The following NEFH variants were observed in gnomAD, a reference collection of about 807,000 sequenced individuals.
NEFH encodes the protein neurofilament heavy polypeptide.
A neutral mutation model predicts 56.6 loss-of-function variants in NEFH; 58 were observed. The ratio of observed to expected loss-of-function variants is 1.03; its 90% CI spans 0.83 to 1.28. The LOEUF is 1.28. Among genes scored for constraint, NEFH ranks in the 50% most tolerant of loss-of-function variants. The probability of loss-of-function intolerance (pLI) is 0.00; values close to 1 mark genes in which losing one functional copy is unlikely to be tolerated. For missense variants in NEFH, 1,221 were observed against 1,307.6 expected (o/e 0.93, Z 1.02); for synonymous variants, 542 against 545.8 (o/e 0.99, Z 0.10).
intron 2 of NEFH, 45 bp downstream of exon 2, chr22:29,483,619 G>C (rs767871126): frequency 6.3e-7 from 1 of 1,596,866 alleles, no homozygotes; most frequent in South Asian, 1.1e-5. Context: ...TACCTGATTG[G>C]GTAGCCCTGG....
intron 3 of NEFH, among the ~76,000 whole-genome samples, chr22:29,486,519 C>CTTTTTTT (rs362163): frequency 2.0e-5 from 2 of 102,480 alleles, no homozygotes; most frequent in African/African-American, 3.9e-5. Context: ...AGACATGAGT[C>CTTTTTTT]TTTTTTTTTT....
At position 29,489,332 on chromosome 22, in the gene NEFH, C is replaced by G; in HGVS notation, c.1692C>G (p.Ala564=). The G allele has an allele frequency of 6.2e-7, 1 of 1,613,384 alleles. No homozygotes were observed. The highest frequency in any genetic ancestry group is 8.5e-7 in the Non-Finnish European group (1 of 1,179,866). ...AKEEAKSPPE[A]KSPEKEEAKS... ...AAGAGGCAAAGTCACCGCCTGAGGC[C>G]AAGTCCCCAGAGAAGGAGGAAGCAA... The change falls in exon 4 of 4, where the codon GCC becomes GCG. Residue 564 remains alanine, a synonymous_variant. Coordinates refer to ENST00000310624, the MANE Select transcript of NEFH (RefSeq NM_021076.4).
intron 2 of NEFH, among the ~76,000 whole-genome samples, chr22:29,483,959 C>T (rs761560241): frequency 2.6e-5 from 4 of 151,918 alleles, no homozygotes; most frequent in Non-Finnish European, 5.9e-5. Context: ...AAGAGATTCT[C>T]GTGCCTCAGC....
rs1280486804 is a variant in NEFH at position 29,490,510 on chromosome 22, C to A, written c.2870C>A (p.Thr957Asn). 1.3e-6 allele frequency: 2 copies of A among 1,593,790 alleles called. No individual in the cohort carries two copies. The highest frequency in any genetic ancestry group is 8.5e-7 in the Non-Finnish European group (1 of 1,174,416). ...GAGGCAGCACCGGAGAAAAAAGACA[C>A]CAAGGAGGAGAAGGCCAAGAAGCCT... ...KKEAAPEKKD[T>N]KEEKAKKPEE... Residue 957 changes from threonine to asparagine, a missense_variant, in exon 4 of 4, where the codon ACC becomes AAC. This residue lies in a region of NEFH where 301 missense variants were observed against 346.6 expected (regional missense o/e 0.87). Coordinates refer to ENST00000310624, the MANE Select transcript of NEFH (RefSeq NM_021076.4).
chr22:29,484,013 C>A (rs1404378878), intron 2 of NEFH, among the ~76,000 whole-genome samples: 1 of 151,940 alleles, frequency 6.6e-6, no homozygotes, highest in Non-Finnish European at 1.5e-5. Context: ...CCACACCTGG[C>A]TAACTTTTGT....
intron 3 of NEFH, among the ~76,000 whole-genome samples, chr22:29,486,519 CTTTTTTT>C (rs362163): frequency 9.8e-6 from 1 of 102,470 alleles, no homozygotes. Flanking sequence ...AGACATGAGT[CTTTTTTT>C]TTTTTTTTTT....
At chr22:29,483,290 A>AAG in intron 1 of NEFH, 85 bp from the exon 2 acceptor site, 1 of 1,310,382 alleles carries the variant, frequency 7.6e-7, no homozygotes, top group Non-Finnish European at 1.1e-6. Flanking sequence ...AAAAAAAAAA[A>AAG]AGAAAAAGAA....
chr22:29,487,469 CAA>C (rs60393645), intron 3 of NEFH, among the ~76,000 whole-genome samples: 5 of 139,752 alleles, frequency 3.6e-5, no homozygotes, highest in Admixed American at 7.3e-5. Context: ...ACAAAAAATA[CAA>C]AAAAAAAAAA....
chr22:29,482,977 C>A (rs2063020689), intron 1 of NEFH, among the ~76,000 whole-genome samples: 1 of 152,120 alleles, frequency 6.6e-6, no homozygotes, highest in South Asian at 2.1e-4. Flanking sequence ...CCACATGTGT[C>A]ACCTTCAAAA....
At chr22:29,487,678 C>T (rs1230295500) in intron 3 of NEFH, among the ~76,000 whole-genome samples, 1 of 152,120 alleles carries the variant, frequency 6.6e-6, no homozygotes, top group African/African-American at 2.4e-5. Context: ...ACGCTCAGCC[C>T]CTCCCCAGAC....
rs73881535 is a variant in NEFH at position 29,481,202 on chromosome 22, T to C, written c.883+57T>C. 17,853 of 1,504,264 alleles carry C rather than the reference T, an allele frequency of 0.012. 1,752 individuals are homozygous for C. In the African/African-American group the frequency reaches 0.22, roughly 18 times the overall value. The allele number at this position is 1,504,264 out of a possible 1,614,324, so 93.2% of individuals were successfully genotyped here. On this transcript the variant is annotated intron_variant, in intron 1 of 3. Transcript: ENST00000310624. ...CCCCTGCTGACCCCGCAGCGAACTT[T>C]TGGGCTGCGTGACCCAAGGGGGCGC... is the stretch of plus-strand genomic sequence containing the variant.
Position 29,481,871 on chromosome 22 carries a change from G to T in NEFH, c.883+726G>T, listed in dbSNP as rs73881537. 7.0e-3 allele frequency among the ~76,000 whole-genome samples: 1,070 copies of T among 152,264 alleles called. 17 individuals carry two copies. The highest frequency in any genetic ancestry group is 0.025 in the African/African-American group (1,024 of 41,546). Reference sequence around the variant, plus strand: ...TGAGTCAGCTAGATTGCGCTGCCCTGAGGCTGTGCCCAGCAGCTGCAGGGT... The same window carrying T: ...TGAGTCAGCTAGATTGCGCTGCCCTTAGGCTGTGCCCAGCAGCTGCAGGGT... On this transcript the variant is annotated intron_variant, in intron 1 of 3. Transcript: ENST00000310624.
At chr22:29,481,956 GT>G (rs2063013446) in intron 1 of NEFH, among the ~76,000 whole-genome samples, 1 of 152,196 alleles carries the variant, frequency 6.6e-6, no homozygotes, top group African/African-American at 2.4e-5. Context: ...AAAGAGGAGG[GT>G]AGATCAACTG....
intron 3 of NEFH, among the ~76,000 whole-genome samples, chr22:29,486,549 A>C (rs1368915280): frequency 7.6e-6 from 1 of 131,284 alleles, no homozygotes; most frequent in Non-Finnish European, 1.6e-5. Context: ...TTGAGATGGA[A>C]TCTCACTCTG....
rs979963341 is a variant in NEFH, at chr22:29,489,770, C to A, written c.2130C>A (p.Ser710=). 3 of 1,607,860 alleles carry A rather than the reference C, an allele frequency of 1.9e-6. No homozygotes were observed. In the African/African-American group the frequency reaches 4.1e-5, roughly 22 times the overall value. Residue 710 remains serine (S), a synonymous_variant, in exon 4 of 4, where the codon TCC becomes TCA. Coordinates refer to ENST00000310624, the MANE Select transcript of NEFH (RefSeq NM_021076.4). ...CAAAGTCCCCTGAGAAGGCCAAGTC[C>A]CCAGTGAAGGAAGAAGCAAAGTCCC... ...EEAKSPEKAK[S]PVKEEAKSPE... is the part of the protein sequence containing the mutation.
intron 2 of NEFH, among the ~76,000 whole-genome samples, chr22:29,484,595 C>T (rs1368719699): frequency 2.6e-5 from 4 of 152,158 alleles, no homozygotes; most frequent in Middle Eastern, 3.4e-3. Context: ...TACAGTGAGC[C>T]GAGATCGTGC....
rs2146402286 is a variant in NEFH at position 29,490,835 on chromosome 22, C to T, written c.*132C>T. 1.3e-6 allele frequency: 2 copies of T among 1,510,824 alleles called. No homozygotes were observed. The highest frequency in any genetic ancestry group is 1.8e-6 in the Non-Finnish European group (2 of 1,121,674). 93.6% of individuals were successfully genotyped at this position (1,510,824 alleles called of 1,614,324 possible). The stretch of plus-strand genomic sequence containing the variant: ...GAAACTGCTTAGATGACGGGGCCTC[C>T]TTCTTCAAACAGGAATTTCTGTTAG... On this transcript the variant is annotated 3_prime_UTR_variant, in exon 4 of 4. Coordinates refer to ENST00000310624, the MANE Select transcript of NEFH (RefSeq NM_021076.4).
At position 29,480,929 on chromosome 22, in the gene NEFH, C is replaced by G; in HGVS notation, c.667C>G (p.Leu223Val). 1.3e-6 allele frequency: 2 copies of G among 1,527,826 alleles called. No homozygotes were observed. Among genetic ancestry groups the G allele is most frequent in the Non-Finnish European group, 1.7e-6 (2 of 1,144,232 alleles). The allele number at this position is 1,527,826 out of a possible 1,614,324, so 94.6% of individuals were successfully genotyped here. Residue 223 changes from leucine to valine, a missense_variant, in exon 1 of 4, where the codon CTG becomes GTG. Around this residue, in one of 4 missense-constraint regions of NEFH, gnomAD observed 640 missense variants for 555.5 expected, o/e 1.15. Coordinates refer to ENST00000310624, the MANE Select transcript of NEFH (RefSeq NM_021076.4). ...RVDLQKKAQALQEECGYLRRH... is the reference protein window; with the variant it reads ...RVDLQKKAQAVQEECGYLRRH... Reference sequence around the variant, plus strand: ...GGACCTGCAGAAGAAGGCGCAGGCGCTGCAGGAGGAGTGCGGCTACCTGCG... The same window carrying G: ...GGACCTGCAGAAGAAGGCGCAGGCGGTGCAGGAGGAGTGCGGCTACCTGCG...
chr22:29,490,049 G>C lies in NEFH; in HGVS notation c.2409G>C (p.Leu803=). The change falls in exon 4 of 4, where the codon CTG becomes CTC. Residue 803 remains leucine, a synonymous_variant. Transcript: ENST00000310624. ...CCCCAGAGAAGGCGAAATCTCCCCTGAAGGAGGATGCCAAGGCCCCTGAGA... is the reference window on the plus strand; with the variant it reads ...CCCCAGAGAAGGCGAAATCTCCCCTCAAGGAGGATGCCAAGGCCCCTGAGA... ...VKSPEKAKSP[L]KEDAKAPEKE... 6.2e-7 allele frequency: 1 copy of C among 1,613,822 alleles called. No homozygotes were observed. The highest frequency in any genetic ancestry group is 8.5e-7 in the Non-Finnish European group (1 of 1,179,844).
Sources: gnomAD v4.1 joint callset for allele counts (sites outside exome capture counted in the v4.1 genomes callset) on GRCh38, gnomAD v4.1.1 for gene constraint, gnomAD v4.1.1 regional missense constraint, MANE v1.5 for transcripts, NCBI Gene and HGNC (gene_info 2026-07-23, HGNC 2026-07-21) for gene names.